TRAK1: variants seen among roughly 807,000 people sequenced by gnomAD.
TRAK1 encodes the protein trafficking kinesin protein 1, also known as trafficking kinesin-binding protein 1.
A neutral mutation model predicts 92.1 loss-of-function variants in TRAK1; 33 were observed. That is an observed-to-expected ratio of 0.36 (90% confidence interval 0.27 to 0.48). The LOEUF (loss-of-function observed/expected upper bound fraction) is 0.48, where lower values mean the gene tolerates loss of function less well. Ranked by LOEUF, TRAK1 falls within the 20% of genes least tolerant of loss-of-function variation. The pLI is 0.99. For missense variants in TRAK1, 1,123 were observed against 1,257.9 expected (o/e 0.89, Z 1.62); for synonymous variants, 521 against 517.3 (o/e 1.01, Z -0.10).
chr3:42,030,007 C>T (rs531801524), intron 1 of TRAK1, among the ~76,000 whole-genome samples: 18 of 152,028 alleles, frequency 1.2e-4, no homozygotes, highest in Non-Finnish European at 2.4e-4. Context: ...AAGGATGTGA[C>T]GTGCCCTGTG....
At chr3:42,150,696 T>C (rs961608182) in intron 2 of TRAK1, among the ~76,000 whole-genome samples, 2 of 152,180 alleles carry the variant, frequency 1.3e-5, no homozygotes, top group African/African-American at 2.4e-5. Context: ...TCCACTGATT[T>C]TTGCCGCGAC....
intron 1 of TRAK1, among the ~76,000 whole-genome samples, chr3:42,114,826 C>T (rs1708961287): frequency 1.3e-5 from 2 of 152,110 alleles, no homozygotes; most frequent in African/African-American, 4.8e-5. Flanking sequence ...GATTTTCATA[C>T]CTCAGCCTCC....
chr3:42,184,809 A>T lies in TRAK1; in HGVS notation c.480+8A>T, dbSNP rs1258103460. The T allele has an allele frequency of 6.2e-7, 1 of 1,612,492 alleles. No homozygotes were observed. On this transcript the variant is annotated splice_region_variant and intron_variant, in intron 4 of 15. Transcript: ENST00000327628. The stretch of plus-strand genomic sequence containing the variant: ...GAACACATCAGGGAGGAGGTAAGAC[A>T]TTGGAGGCCGAGGCTTCCAGAGGGG...
chr3:42,128,412 T>G (rs1309121862), intron 2 of TRAK1, among the ~76,000 whole-genome samples: 1 of 152,210 alleles, frequency 6.6e-6, no homozygotes, highest in Non-Finnish European at 1.5e-5. Flanking sequence ...ATTCTGTATC[T>G]TCTGTGGTTC....
At chr3:42,179,502 C>T (rs1469967504) in intron 3 of TRAK1, among the ~76,000 whole-genome samples, 1 of 152,220 alleles carries the variant, frequency 6.6e-6, no homozygotes, top group African/African-American at 2.4e-5. Flanking sequence ...CACCTTTGGG[C>T]AGAGCTTGCC....
At chr3:42,089,684 CA>C (rs1704895887), upstream of TRAK1, among the ~76,000 whole-genome samples, 1 of 150,614 alleles carries the variant, frequency 6.6e-6, no homozygotes, top group Non-Finnish European at 1.5e-5. Flanking sequence ...GACCCCCCCC[CA>C]ATACAGAGTG....
chr3:42,196,528 T>C (rs1211880186), intron 10 of TRAK1, among the ~76,000 whole-genome samples: 1 of 150,148 alleles, frequency 6.7e-6, no homozygotes, highest in African/African-American at 2.4e-5. Flanking sequence ...CACATTTCTT[T>C]TTCTCTTCTT....
intron 2 of TRAK1, among the ~76,000 whole-genome samples, chr3:42,130,318 G>GAA (rs35970859): frequency 6.8e-6 from 1 of 146,132 alleles, no homozygotes; most frequent in Non-Finnish European, 1.5e-5. Flanking sequence ...TTGATTGAGG[G>GAA]AAAAAAAAAA....
chr3:42,048,979 G>A lies in TRAK1; in HGVS notation c.-519+34862G>A, dbSNP rs781000341. Among the ~76,000 whole-genome samples the A allele has an allele frequency of 1.1e-4, 17 of 152,116 alleles. 1 individual carries two copies. Among genetic ancestry groups the A allele is most frequent in the Admixed American group, 7.9e-4 (12 of 15,266 alleles). Reference sequence around the variant, plus strand: ...TTGAGCTCACTGCAGTCTCAACCTCGTGGCCTCAAGCAATCCTTCTGCATC... The same window carrying A: ...TTGAGCTCACTGCAGTCTCAACCTCATGGCCTCAAGCAATCCTTCTGCATC... On this transcript the variant is annotated intron_variant, in intron 1 of 16. Coordinates refer to the TRAK1 transcript ENST00000487159.
At chr3:42,020,321 C>T (rs1470983686) in intron 1 of TRAK1, among the ~76,000 whole-genome samples, 1 of 152,196 alleles carries the variant, frequency 6.6e-6, no homozygotes, top group African/African-American at 2.4e-5. Context: ...GCCAGTAACT[C>T]CTTGTAGATA....
intron 1 of TRAK1, among the ~76,000 whole-genome samples, chr3:42,111,141 C>G (rs1009898286): frequency 1.3e-5 from 2 of 152,104 alleles, no homozygotes; most frequent in Non-Finnish European, 2.9e-5. Context: ...AAAAGTGTTC[C>G]AGACAGAAGG....
At chr3:42,030,015 G>A (rs1436702178) in intron 1 of TRAK1, among the ~76,000 whole-genome samples, 1 of 152,128 alleles carries the variant, frequency 6.6e-6, no homozygotes, top group Non-Finnish European at 1.5e-5. Flanking sequence ...GACGTGCCCT[G>A]TGGGGTAGAG....
chr3:42,037,063 A>T (rs1261679672), intron 1 of TRAK1, among the ~76,000 whole-genome samples: 1 of 152,188 alleles, frequency 6.6e-6, no homozygotes, highest in Non-Finnish European at 1.5e-5. Context: ...CTTAGGCTCC[A>T]GCTATCTTCC....
At chr3:42,139,880 A>G (rs1441325796) in intron 2 of TRAK1, among the ~76,000 whole-genome samples, 1 of 152,102 alleles carries the variant, frequency 6.6e-6, no homozygotes, top group Non-Finnish European at 1.5e-5. Flanking sequence ...TGAATGGAAT[A>G]CGGGGCCGTT....
chr3:42,014,767 G>T (rs547633824), intron 1 of TRAK1, among the ~76,000 whole-genome samples: 10 of 151,474 alleles, frequency 6.6e-5, no homozygotes, highest in Non-Finnish European at 1.2e-4. Context: ...ATTAGCGTCC[G>T]CTTTGAGAGC....
At chr3:42,095,935 G>T (rs1371003007) in intron 1 of TRAK1, among the ~76,000 whole-genome samples, 1 of 152,222 alleles carries the variant, frequency 6.6e-6, no homozygotes, top group Non-Finnish European at 1.5e-5. Flanking sequence ...TAGCTAGCCT[G>T]TTCTACCCTG....
chr3:42,146,923 C>G (rs1453349384), intron 2 of TRAK1, among the ~76,000 whole-genome samples: 3 of 152,206 alleles, frequency 2.0e-5, no homozygotes, highest in Non-Finnish European at 2.9e-5. Context: ...TTGGATTGAA[C>G]TGGCGAACAT....
upstream of TRAK1, among the ~76,000 whole-genome samples, chr3:42,089,674 G>T (rs1704885616): frequency 2.3e-5 from 2 of 85,942 alleles, no homozygotes; most frequent in South Asian, 4.5e-4. Flanking sequence ...TGCTTTTTGT[G>T]ACCCCCCCCC....
chr3:42,072,169 G>T lies in TRAK1; in HGVS notation c.-518-14935G>T, dbSNP rs576621745. Among the ~76,000 whole-genome samples, 12 of 152,268 alleles carry T rather than the reference G, an allele frequency of 7.9e-5. No individual in the cohort carries two copies. In the South Asian group the frequency reaches 2.5e-3, roughly 32 times the overall value. ...ACTATGTACCCAAAACAGCAAGCCC[G>T]TTGGCCTGGTTTGCTGGAGAAGCCC... is the stretch of plus-strand genomic sequence containing the variant. On this transcript the variant is annotated intron_variant, in intron 1 of 16. Coordinates refer to the TRAK1 transcript ENST00000487159.
Sources: gnomAD v4.1 joint callset for allele counts (sites outside exome capture counted in the v4.1 genomes callset) on GRCh38, gnomAD v4.1.1 for gene constraint, MANE v1.5 for transcripts, NCBI Gene and HGNC (gene_info 2026-07-23, HGNC 2026-07-21) for gene names.